RELCH: variants seen among roughly 807,000 people sequenced by gnomAD.
The protein encoded by RELCH is RAB11-binding protein RELCH.
In RELCH, 41 loss-of-function variants were observed where a neutral mutation model predicts 150.3. The ratio of observed to expected loss-of-function variants is 0.27; its 90% CI spans 0.21 to 0.35. The LOEUF is 0.35. Among genes scored for constraint, RELCH ranks in the 10% least tolerant of loss-of-function variants. RELCH has a pLI of 1.00. For missense variants in RELCH, 1,092 were observed against 1,467.8 expected (o/e 0.74, Z 4.18); for synonymous variants, 478 against 531.8 (o/e 0.90, Z 1.39).
Position 62,188,038 on chromosome 18 carries a change from G to A in RELCH, c.526+7G>A, listed in dbSNP as rs963053670. The A allele has an allele frequency of 6.5e-7, 1 of 1,547,952 alleles. No homozygotes were observed. The highest frequency in any genetic ancestry group is 8.7e-7 in the Non-Finnish European group (1 of 1,147,146). ...TCGGGCGGGGGACAGCTCAGTAAGT[G>A]GACGCAGCCTGTCACACTCCGGCAG... On this transcript the variant is annotated splice_region_variant and intron_variant, in intron 1 of 28. Coordinates refer to ENST00000644646, the MANE Select transcript of RELCH (RefSeq NM_001346231.2).
Position 62,305,763 on chromosome 18 carries a change from CCT to C in RELCH, c.*230_*231del. The C allele has an allele frequency of 3.8e-6, 1 of 263,806 alleles. No homozygotes were observed. The highest frequency in any genetic ancestry group is 1.4e-4 in the South Asian group (1 of 6,926). 16.3% of individuals were successfully genotyped at this position (263,806 alleles called of 1,614,324 possible). A position where few individuals can be genotyped will look rare whatever the true frequency, so the allele number is the denominator to read the frequency against. ...TTGAGTTGATGGTCTGTACCAAGTCCCTTGTCTATGTTCTTGTCTTTCAGAAT... is the reference window on the plus strand; with the variant it reads ...TTGAGTTGATGGTCTGTACCAAGTCCTGTCTATGTTCTTGTCTTTCAGAAT... On this transcript the variant is annotated 3_prime_UTR_variant, in exon 29 of 29. Transcript: ENST00000644646. This position sits in a 1 kb window ranked among gnomAD's most constrained non-coding sequence, Gnocchi z 4.0.
chr18:62,222,464 T>C (rs2040939890), intron 5 of RELCH, among the ~76,000 whole-genome samples: 1 of 151,696 alleles, frequency 6.6e-6, no homozygotes, highest in South Asian at 2.1e-4. Flanking sequence ...GTGAGAAACA[T>C]TGAGAGGTCA....
At position 62,309,354 on chromosome 18, in the gene RELCH, T is replaced by A. The variant is rs1014568087; in HGVS notation, c.*3820T>A. ...ATTTTCATACTGCGTAAGAATGTGT[T>A]CTGTATGCATTTTGTGTGTGAGCCT... On this transcript the variant is annotated 3_prime_UTR_variant, in exon 29 of 29. Transcript: ENST00000644646. 6.6e-6 allele frequency: 1 copy of A among 152,210 alleles called. No homozygotes were observed. Among genetic ancestry groups the A allele is most frequent in the Non-Finnish European group, 1.5e-5 (1 of 68,026 alleles). The allele number at this position is 152,210 out of a possible 1,614,324, so 9.4% of individuals were successfully genotyped here. A position where few individuals can be genotyped will look rare whatever the true frequency, so the allele number is the denominator to read the frequency against.
chr18:62,297,662 T>TATCATA (rs1313094200), intron 27 of RELCH, among the ~76,000 whole-genome samples: 2 of 152,102 alleles, frequency 1.3e-5, no homozygotes, highest in African/African-American at 4.8e-5. Flanking sequence ...CCAAAGTCCT[T>TATCATA]ATCATAATCT....
At chr18:62,199,222 C>T (rs2039259037) in intron 1 of RELCH, among the ~76,000 whole-genome samples, 1 of 148,450 alleles carries the variant, frequency 6.7e-6, no homozygotes, top group Non-Finnish European at 1.5e-5. Context: ...GTTTCTCCAG[C>T]CCATGGTGAT....
intron 20 of RELCH, among the ~76,000 whole-genome samples, chr18:62,273,665 TGTACC>T (rs2044032975): frequency 6.6e-6 from 1 of 152,188 alleles, no homozygotes; most frequent in Non-Finnish European, 1.5e-5. Flanking sequence ...GCCTTTGCAC[TGTACC>T]CAGTTTGACT....
intron 1 of RELCH, among the ~76,000 whole-genome samples, chr18:62,203,756 G>C (rs1370308626): frequency 6.6e-6 from 1 of 152,106 alleles, no homozygotes. Flanking sequence ...CAAGGCAGGA[G>C]GACTGCTTGA....
chr18:62,229,088 G>A (rs17645206), intron 8 of RELCH, among the ~76,000 whole-genome samples: 12,942 of 151,872 alleles, frequency 0.085, 638 homozygotes, highest in South Asian at 0.19. Context: ...GTCAGAACTC[G>A]CAGATGACAA....
intron 1 of RELCH, among the ~76,000 whole-genome samples, chr18:62,203,092 T>C (rs879369375): frequency 2.3e-4 from 35 of 152,142 alleles, no homozygotes; most frequent in Admixed American, 3.9e-4. Flanking sequence ...TATCTAGATA[T>C]TAAATACAAG....
chr18:62,257,259 A>G (rs1339518597), intron 13 of RELCH, among the ~76,000 whole-genome samples: 2 of 152,084 alleles, frequency 1.3e-5, no homozygotes, highest in Non-Finnish European at 2.9e-5. Context: ...CTTTATCATA[A>G]CTGGAAAATA....
chr18:62,281,404 T>C (rs1600222990), intron 24 of RELCH, among the ~76,000 whole-genome samples: 2 of 152,360 alleles, frequency 1.3e-5, no homozygotes, highest in East Asian at 3.9e-4. Flanking sequence ...AAAAGTGATT[T>C]AGTAGACTGG....
intron 8 of RELCH, among the ~76,000 whole-genome samples, chr18:62,229,516 GTGTGTC>G (rs1401189962): frequency 6.1e-5 from 9 of 148,186 alleles, no homozygotes; most frequent in African/African-American, 2.0e-4. Context: ...GTGTGTGTGT[GTGTGTC>G]TGTCTGTCTG....
chr18:62,214,366 C>A (rs925712951), intron 2 of RELCH, among the ~76,000 whole-genome samples: 1 of 152,182 alleles, frequency 6.6e-6, no homozygotes, highest in Non-Finnish European at 1.5e-5. Flanking sequence ...AAAAGCCTAT[C>A]AAAAGGCCAG....
rs78881673 is a variant in RELCH, at chr18:62,309,834, T to A, written c.*4300T>A. 3.3e-5 allele frequency: 5 copies of A among 152,338 alleles called. No individual in the cohort carries two copies. Among genetic ancestry groups the A allele is most frequent in the African/African-American group, 1.2e-4 (5 of 41,582 alleles). The allele number at this position is 152,338 out of a possible 1,614,324, so 9.4% of individuals were successfully genotyped here. On this transcript the variant is annotated 3_prime_UTR_variant, in exon 29 of 29. Coordinates refer to ENST00000644646, the MANE Select transcript of RELCH (RefSeq NM_001346231.2). Reference sequence around the variant, plus strand: ...AGGGACTTTAATGTAGTAAAATATATGTAGTTTATAAACTGGTATTTTGTG... The same window carrying A: ...AGGGACTTTAATGTAGTAAAATATAAGTAGTTTATAAACTGGTATTTTGTG...
At chr18:62,199,844 T>C (rs1024303708) in intron 1 of RELCH, among the ~76,000 whole-genome samples, 21 of 152,206 alleles carry the variant, frequency 1.4e-4, no homozygotes, top group Admixed American at 1.1e-3. Context: ...TGGATAGTCT[T>C]TGTTTCCTTT....
In RELCH at chr18:62,191,387, T is replaced by C. The variant is rs77105777; in HGVS notation, c.526+3356T>C. Among the ~76,000 whole-genome samples the C allele has an allele frequency of 1.3e-3, 192 of 152,360 alleles. 4 individuals carry two copies. In the East Asian group the frequency reaches 0.035, roughly 28 times the overall value. ...CTTTTCCTGTGCCTTTTGCTTAGTA[T>C]ATTTTTTATGAAATGCCTATTCAAT... On this transcript the variant is annotated intron_variant, in intron 1 of 28. Coordinates refer to ENST00000644646, the MANE Select transcript of RELCH (RefSeq NM_001346231.2).
At chr18:62,197,549 C>G (rs924072353) in intron 1 of RELCH, among the ~76,000 whole-genome samples, 1 of 152,098 alleles carries the variant, frequency 6.6e-6, no homozygotes, top group Admixed American at 6.5e-5. Context: ...TTCACATCTA[C>G]AGTATACTTA....
At chr18:62,221,178 A>G in intron 3 of RELCH, 41 bp from the exon 4 acceptor site, 2 of 1,593,980 alleles carry the variant, frequency 1.3e-6, no homozygotes, top group South Asian at 2.2e-5. Context: ...ATATTTTAAA[A>G]TGTAAAATAG....
chr18:62,203,810 T>C (rs1010591511), intron 1 of RELCH, among the ~76,000 whole-genome samples: 1 of 151,984 alleles, frequency 6.6e-6, no homozygotes, highest in Admixed American at 6.6e-5. Flanking sequence ...GTGAGACCCA[T>C]CTCTACAAAA....
Sources: gnomAD v4.1 joint callset for allele counts (sites outside exome capture counted in the v4.1 genomes callset) on GRCh38, gnomAD v4.1.1 for gene constraint, Gnocchi (gnomAD v3.1) non-coding constraint, MANE v1.5 for transcripts, NCBI Gene and HGNC (gene_info 2026-07-23, HGNC 2026-07-21) for gene names.